Variants in GSTCD observed in about 807,000 individuals in gnomAD.
The protein encoded by GSTCD is glutathione S-transferase C-terminal domain-containing protein.
A neutral mutation model predicts 68.3 loss-of-function variants in GSTCD; 44 were observed. That is an observed-to-expected ratio of 0.64 (90% CI 0.51 to 0.83). The LOEUF (loss-of-function observed/expected upper bound fraction) is 0.83, where lower values mean the gene tolerates loss of function less well. Among genes scored for constraint, GSTCD ranks in the 40% least tolerant of loss-of-function variants. GSTCD has a pLI of 0.00. For synonymous variants in GSTCD, 273 were observed against 255.2 expected (o/e 1.07, Z -0.67); for missense variants, 739 against 735.9 (o/e 1.00, Z -0.05).
chr4:105,779,634 T>C (rs1735203706), intron 5 of GSTCD, among the ~76,000 whole-genome samples: 1 of 152,210 alleles, frequency 6.6e-6, no homozygotes, highest in Non-Finnish European at 1.5e-5. Flanking sequence ...CACTCTTTAG[T>C]AAGAAATTTA....
At chr4:105,829,350 C>T (rs1241078777) in intron 8 of GSTCD, among the ~76,000 whole-genome samples, 1 of 152,078 alleles carries the variant, frequency 6.6e-6, no homozygotes, top group African/African-American at 2.4e-5. Context: ...GAATACCAAA[C>T]ATGGAAAACT....
chr4:105,720,778 A>C (rs1401676755), intron 3 of GSTCD, among the ~76,000 whole-genome samples: 1 of 152,194 alleles, frequency 6.6e-6, no homozygotes, highest in African/African-American at 2.4e-5. Context: ...TCATTAGAGC[A>C]GTCATTTGAT....
At chr4:105,741,609 T>C (rs1473746557) in intron 5 of GSTCD, among the ~76,000 whole-genome samples, 1 of 152,200 alleles carries the variant, frequency 6.6e-6, no homozygotes, top group Non-Finnish European at 1.5e-5. Flanking sequence ...TTTTCACTTA[T>C]TAGTATGAGC....
intron 3 of GSTCD, among the ~76,000 whole-genome samples, chr4:105,720,226 T>C (rs1242421574): frequency 6.6e-6 from 1 of 152,124 alleles, no homozygotes; most frequent in African/African-American, 2.4e-5. Flanking sequence ...ACATTCCCTC[T>C]GTGGAGGAAA....
chr4:105,715,549 G>T (rs987342017), intron 1 of GSTCD, among the ~76,000 whole-genome samples: 9 of 151,654 alleles, frequency 5.9e-5, no homozygotes, highest in Non-Finnish European at 8.8e-5. Flanking sequence ...GTGATTATTT[G>T]TATTATTAAG....
intron 5 of GSTCD, among the ~76,000 whole-genome samples, chr4:105,811,235 A>AT (rs1157928437): frequency 1.3e-5 from 2 of 151,894 alleles, no homozygotes; most frequent in Non-Finnish European, 2.9e-5. Flanking sequence ...AGAACTCACT[A>AT]TTTTTCTCTC....
intron 5 of GSTCD, among the ~76,000 whole-genome samples, chr4:105,744,115 C>G (rs2149221572): frequency 6.6e-6 from 1 of 152,240 alleles, no homozygotes; most frequent in Non-Finnish European, 1.5e-5. Context: ...ATAACATGGT[C>G]ATTTTTGGAA....
chr4:105,729,455 C>A lies in GSTCD; in HGVS notation c.1196C>A (p.Thr399Asn), dbSNP rs781064841. Residue 399 changes from threonine to asparagine, a missense_variant, in exon 5 of 12, where the codon ACT becomes AAT. Physicochemically the swap from Thr to Asn is moderately conservative, Grantham distance 65. Transcript: ENST00000515279. Reference protein sequence around the residue: ...MFSPHPCPTWTLDWNVLPAAV... With the variant: ...MFSPHPCPTWNLDWNVLPAAV... The stretch of plus-strand genomic sequence containing the variant: ...TCTCCCCACCCTTGCCCTACTTGGA[C>A]TCTTGATTGGAATGTTCTCCCTGCA... The A allele has an allele frequency of 2.5e-6, 4 of 1,612,172 alleles. No individual in the cohort carries two copies. In the East Asian group the frequency reaches 8.9e-5, roughly 36 times the overall value.
At chr4:105,834,090 T>C (rs1724013220) in intron 8 of GSTCD, among the ~76,000 whole-genome samples, 1 of 152,226 alleles carries the variant, frequency 6.6e-6, no homozygotes, top group South Asian at 2.1e-4. Context: ...AACCATCATT[T>C]ATAGTTGAAG....
intron 2 of GSTCD, among the ~76,000 whole-genome samples, chr4:105,718,378 G>C (rs187897629): frequency 6.6e-6 from 1 of 152,174 alleles, no homozygotes; most frequent in African/African-American, 2.4e-5. Context: ...GTTGAAAAGC[G>C]CCTGGTACCT....
At chr4:105,738,574 G>GT (rs1733535091) in intron 5 of GSTCD, among the ~76,000 whole-genome samples, 1 of 151,666 alleles carries the variant, frequency 6.6e-6, no homozygotes, top group East Asian at 1.9e-4. Context: ...GTGTTTTATA[G>GT]TTTTTCTCTA....
intron 4 of GSTCD, 100 bp from the exon 5 acceptor site, chr4:105,729,303 ATCC>A: frequency 1.9e-6 from 1 of 523,422 alleles, no homozygotes; most frequent in Non-Finnish European, 3.3e-6. Flanking sequence ...ATTACTATTT[ATCC>A]TCCTCCTTAC....
intron 10 of GSTCD, among the ~76,000 whole-genome samples, chr4:105,841,292 G>C (rs2544411): frequency 0.72 from 109,165 of 151,050 alleles, 42,280 homozygotes; most frequent in East Asian, 0.9. Context: ...CCACTGCACT[G>C]GAGCCTGGAC....
At chr4:105,711,310 T>G (rs1291554060) in intron 1 of GSTCD, among the ~76,000 whole-genome samples, 1 of 152,252 alleles carries the variant, frequency 6.6e-6, no homozygotes, top group Non-Finnish European at 1.5e-5. Context: ...CTTCTTATTT[T>G]GTACAATAGG....
intron 1 of GSTCD, among the ~76,000 whole-genome samples, chr4:105,715,069 C>T (rs1016517121): frequency 4.6e-5 from 7 of 152,002 alleles, no homozygotes; most frequent in African/African-American, 1.7e-4. Context: ...TGTTTTCTTT[C>T]AAAACTGCTT....
At chr4:105,837,924 C>T (rs2149286270) in intron 10 of GSTCD, 35 bp downstream of exon 10, 2 of 855,304 alleles carry the variant, frequency 2.3e-6, no homozygotes, top group Middle Eastern at 2.3e-4. Flanking sequence ...CATCCTAATA[C>T]ACTTTTTATC....
At chr4:105,838,463 TTCTTA>T (rs1402256589) in intron 10 of GSTCD, among the ~76,000 whole-genome samples, 1 of 152,264 alleles carries the variant, frequency 6.6e-6, no homozygotes, top group Non-Finnish European at 1.5e-5. Flanking sequence ...GTCCTTGACA[TTCTTA>T]TTGTTTTTGT....
chr4:105,710,687 G>T (rs1732510048), intron 1 of GSTCD: 1 of 152,110 alleles, frequency 6.6e-6, no homozygotes, highest in Non-Finnish European at 1.5e-5. Context: ...ACAAGCACAG[G>T]TATTGTTTGC....
intron 1 of GSTCD, among the ~76,000 whole-genome samples, chr4:105,709,381 A>G (rs550910070): frequency 6.6e-6 from 1 of 152,114 alleles, no homozygotes; most frequent in Non-Finnish European, 1.5e-5. Context: ...CTTGGGTCAC[A>G]CTAACTTCTC....
Sources: allele counts gnomAD v4.1 joint callset (sites outside exome capture counted in the v4.1 genomes callset), GRCh38; gene constraint gnomAD v4.1.1; transcripts MANE v1.5; gene names NCBI Gene and HGNC (gene_info 2026-07-23, HGNC 2026-07-21).